Variants in ROBO2 observed in about 807,000 individuals in gnomAD.
ROBO2 encodes roundabout homolog 2.
In ROBO2, 53 loss-of-function variants were observed where a neutral mutation model predicts 160.8. The ratio of observed to expected loss-of-function variants is 0.33; its 90% CI spans 0.26 to 0.41. The LOEUF (loss-of-function observed/expected upper bound fraction) is 0.41. Ranked by LOEUF, ROBO2 falls within the 10% of genes least tolerant of loss-of-function variation. The pLI is 1.00. For missense variants in ROBO2, 1,577 were observed against 1,722.4 expected (o/e 0.92, Z 1.49); for synonymous variants, 664 against 611.7 (o/e 1.09, Z -1.26).
intron 2 of ROBO2, among the ~76,000 whole-genome samples, chr3:77,455,285 A>G (rs534557240): frequency 1.6e-4 from 25 of 152,342 alleles, no homozygotes; most frequent in African/African-American, 6.0e-4. Context: ...AGCAGTTACA[A>G]TCATTTACGA....
intron 2 of ROBO2, among the ~76,000 whole-genome samples, chr3:77,294,976 A>C (rs531392629): frequency 7.9e-5 from 12 of 151,888 alleles, no homozygotes; most frequent in Non-Finnish European, 1.8e-4. Context: ...ATCACCAAAG[A>C]CATAAAGTAA....
rs116924113 is a variant in ROBO2 at position 76,930,570 on chromosome 3, G to T, written c.110-167444G>T. On this transcript the variant is annotated intron_variant, in intron 2 of 26. Coordinates refer to the ROBO2 transcript ENST00000487694. ...CAAAACAGAACCAAGAGTATATAGAGAGATATATACAAGACATTTATTATG... is the reference window on the plus strand; with the variant it reads ...CAAAACAGAACCAAGAGTATATAGATAGATATATACAAGACATTTATTATG... Among the ~76,000 whole-genome samples, 794 of 152,244 alleles carry T rather than the reference G, an allele frequency of 5.2e-3. 17 individuals carry two copies. Among genetic ancestry groups the T allele is most frequent in the East Asian group, 0.051 (262 of 5,174 alleles).
intron 2 of ROBO2, among the ~76,000 whole-genome samples, chr3:77,150,443 A>G (rs2077457278): frequency 6.6e-6 from 1 of 152,214 alleles, no homozygotes; most frequent in South Asian, 2.1e-4. Context: ...CGTGTTTGAC[A>G]ATATTTTTGG....
intron 2 of ROBO2, among the ~76,000 whole-genome samples, chr3:76,713,538 G>T (rs1042443339): frequency 1.3e-5 from 2 of 152,078 alleles, no homozygotes; most frequent in Non-Finnish European, 2.9e-5. Flanking sequence ...ATGTGGTTTG[G>T]TCAGAAATGA....
At chr3:76,722,939 T>G (rs2107737483) in intron 2 of ROBO2, among the ~76,000 whole-genome samples, 1 of 152,344 alleles carries the variant, frequency 6.6e-6, no homozygotes, top group South Asian at 2.1e-4. Flanking sequence ...TAAGGTACTT[T>G]TTTGTTTATG....
intron 2 of ROBO2, among the ~76,000 whole-genome samples, chr3:76,812,101 T>C (rs2065241873): frequency 1.3e-5 from 2 of 151,768 alleles, no homozygotes; most frequent in South Asian, 4.2e-4. Context: ...TCTTGATCTC[T>C]GGACCTCATG....
At chr3:76,494,132 C>A (rs967278954) in intron 2 of ROBO2, among the ~76,000 whole-genome samples, 1 of 152,062 alleles carries the variant, frequency 6.6e-6, no homozygotes, top group Admixed American at 6.6e-5. Context: ...GTGGAAACAG[C>A]CCAAGTATTC....
chr3:77,524,965 G>A (rs1241294522), intron 6 of ROBO2, among the ~76,000 whole-genome samples: 1 of 151,032 alleles, frequency 6.6e-6, no homozygotes, highest in African/African-American at 2.4e-5. Context: ...GTAAAATACT[G>A]TTTAAAAACA....
chr3:76,447,368 C>T (rs1030871978), intron 2 of ROBO2, among the ~76,000 whole-genome samples: 85 of 151,524 alleles, frequency 5.6e-4, no homozygotes, highest in Admixed American at 3.3e-3. Flanking sequence ...GTTAGAATGG[C>T]GATCATTAAA....
At chr3:76,053,935 C>G (rs75794355) in intron 2 of ROBO2, among the ~76,000 whole-genome samples, 1 of 152,018 alleles carries the variant, frequency 6.6e-6, no homozygotes, top group Non-Finnish European at 1.5e-5. Context: ...AAATATCATG[C>G]AAGCATACTA....
intron 2 of ROBO2, among the ~76,000 whole-genome samples, chr3:76,279,774 A>G (rs999875259): frequency 6.6e-6 from 1 of 152,040 alleles, no homozygotes; most frequent in Non-Finnish European, 1.5e-5. Context: ...AACACATAAC[A>G]TAAAAGAAAT....
intron 6 of ROBO2, among the ~76,000 whole-genome samples, chr3:77,539,799 G>A (rs1478910244): frequency 6.6e-6 from 1 of 152,156 alleles, no homozygotes; most frequent in Non-Finnish European, 1.5e-5. Flanking sequence ...AGAAGGCAAT[G>A]CAAGCAAGAG....
chr3:76,380,532 C>T (rs2076567569), intron 2 of ROBO2, among the ~76,000 whole-genome samples: 2 of 152,110 alleles, frequency 1.3e-5, no homozygotes, highest in African/African-American at 4.8e-5. Context: ...TTCACCTCCT[C>T]CTTTTTCGCC....
At chr3:76,938,851 A>G (rs1172202043) in intron 2 of ROBO2, among the ~76,000 whole-genome samples, 1 of 151,774 alleles carries the variant, frequency 6.6e-6, no homozygotes, top group Non-Finnish European at 1.5e-5. Flanking sequence ...CATGCCTGTA[A>G]TCCCAGCTAC....
intron 2 of ROBO2, among the ~76,000 whole-genome samples, chr3:76,009,181 C>A (rs962293362): frequency 1.3e-5 from 2 of 152,162 alleles, no homozygotes; most frequent in African/African-American, 4.8e-5. Flanking sequence ...CGGCTCACTG[C>A]AAGCTCCGCC....
At chr3:77,255,863 G>T (rs1437032836) in intron 2 of ROBO2, among the ~76,000 whole-genome samples, 2 of 152,232 alleles carry the variant, frequency 1.3e-5, no homozygotes, top group Admixed American at 1.3e-4. Flanking sequence ...CTATGGGTAT[G>T]TGAGAATGGA....
intron 2 of ROBO2, among the ~76,000 whole-genome samples, chr3:77,336,721 G>C (rs908925904): frequency 2.0e-5 from 3 of 152,292 alleles, no homozygotes; most frequent in Non-Finnish European, 4.4e-5. Flanking sequence ...CAAAATCTCT[G>C]GTTCCCTGCC....
intron 2 of ROBO2, among the ~76,000 whole-genome samples, chr3:76,753,285 A>G (rs1273274511): frequency 6.6e-6 from 1 of 151,910 alleles, no homozygotes; most frequent in Admixed American, 6.6e-5. Context: ...GCAAGAAAAA[A>G]GTTTTAAAAT....
intron 2 of ROBO2, among the ~76,000 whole-genome samples, chr3:76,219,460 A>C (rs551496240): frequency 1.1e-4 from 16 of 152,312 alleles, no homozygotes; most frequent in African/African-American, 3.8e-4. Flanking sequence ...ATCTACAATG[A>C]ACTCAAACAA....
Sources: allele counts gnomAD v4.1 joint callset (sites outside exome capture counted in the v4.1 genomes callset), GRCh38; gene constraint gnomAD v4.1.1; transcripts MANE v1.5; gene names NCBI Gene and HGNC (gene_info 2026-07-23, HGNC 2026-07-21).